Variants in WDR47 observed in about 807,000 individuals in gnomAD.
The protein encoded by WDR47 is WD repeat domain 47.
Under a neutral mutation model 97.2 loss-of-function variants are expected in WDR47, and 32 were observed. The ratio of observed to expected loss-of-function variants is 0.33; its 90% CI spans 0.25 to 0.44. The LOEUF (loss-of-function observed/expected upper bound fraction) is 0.44. Among genes scored for constraint, WDR47 ranks in the 20% least tolerant of loss-of-function variants. WDR47 has a pLI of 1.00. For missense variants in WDR47, 782 were observed against 1,102.3 expected, an observed-to-expected ratio of 0.71 and a Z score of 4.11; for synonymous variants, 375 against 373.5, an observed-to-expected ratio of 1.00 and a Z score of -0.05.
intron 3 of WDR47, 62 bp from the exon 4 acceptor site, chr1:109,013,987 T>C: frequency 8.0e-7 from 1 of 1,257,102 alleles, no homozygotes; most frequent in Non-Finnish European, 1.1e-6. Context: ...ACTTAGAAGT[T>C]ACTATGTAAG....
chr1:109,002,518 C>T, intron 6 of WDR47, 116 bp from the exon 7 acceptor site: 1 of 847,520 alleles, frequency 1.2e-6, no homozygotes, highest in Non-Finnish European at 1.7e-6. Context: ...TTAACAATCA[C>T]AAAATACTTA....
intron 4 of WDR47, among the ~76,000 whole-genome samples, chr1:109,013,235 A>C (rs533411051): frequency 1.2e-4 from 18 of 152,302 alleles, no homozygotes; most frequent in African/African-American, 3.8e-4. Context: ...AACTGTAAGA[A>C]ATAAACTTCT....
Position 108,982,709 on chromosome 1 carries a change from G to A in WDR47, c.2166C>T (p.Ser722=), listed in dbSNP as rs753325745. The change falls in exon 12 of 15, where the codon AGC becomes AGT. Residue 722 remains serine (S), a synonymous_variant. Transcript: ENST00000369962. ...CAGCACTTATTAAAATAGCTCCTCC[G>A]CTTTCTGGGCCTTCCATAAATGCCA... The part of the protein sequence containing the change: ...RDLAFMEGPE[S]GGAILISAGA... The A allele has an allele frequency of 2.4e-5, 38 of 1,613,560 alleles. No individual in the cohort carries two copies. The highest frequency in any genetic ancestry group is 2.3e-4 in the Admixed American group (14 of 59,914).
Position 109,004,626 on chromosome 1 carries a change from T to C in WDR47, c.1220A>G (p.Gln407Arg), listed in dbSNP as rs188128837. 6.8e-6 allele frequency: 11 copies of C among 1,613,826 alleles called. No individual in the cohort carries two copies. The highest frequency in any genetic ancestry group is 6.7e-5 in the Admixed American group (4 of 60,006). ...TTCTTGTTTAGCTGGTCCTGGATTC[T>C]GTGCTCCATTTGCAGGCTCTTTTTC... ...VSEKEPANGAQNPGPAKQEKN... is the reference protein window; with the variant it reads ...VSEKEPANGARNPGPAKQEKN... Residue 407 changes from glutamine (Q) to arginine (R), a missense_variant, in exon 6 of 15, where the codon CAG becomes CGG. Transcript: ENST00000369962.
intron 1 of WDR47, among the ~76,000 whole-genome samples, chr1:109,029,851 G>A (rs565801150): frequency 1.3e-5 from 2 of 149,924 alleles, no homozygotes; most frequent in South Asian, 2.1e-4. Context: ...ACTCCAGCCT[G>A]GGCAACAGAG....
intron 13 of WDR47, among the ~76,000 whole-genome samples, chr1:108,977,659 C>T (rs1012490781): frequency 7.2e-5 from 11 of 152,120 alleles, no homozygotes; most frequent in Non-Finnish European, 1.3e-4. Flanking sequence ...CGAGACCAGC[C>T]TGGCTAATAA....
At chr1:108,972,815 C>T (rs904082096) in intron 14 of WDR47, among the ~76,000 whole-genome samples, 2 of 151,896 alleles carry the variant, frequency 1.3e-5, no homozygotes, top group East Asian at 1.9e-4. Flanking sequence ...GGTGTGGTGG[C>T]GGGCGCCTGT....
intron 1 of WDR47, among the ~76,000 whole-genome samples, chr1:109,027,845 T>C (rs192919915): frequency 3.3e-5 from 5 of 152,214 alleles, no homozygotes; most frequent in Admixed American, 3.3e-4. Context: ...AAACATCTAT[T>C]TCCTGTAATC....
At chr1:108,993,561 T>C (rs1233904790) in intron 8 of WDR47, among the ~76,000 whole-genome samples, 1 of 152,130 alleles carries the variant, frequency 6.6e-6, no homozygotes, top group Non-Finnish European at 1.5e-5. Flanking sequence ...AACTGTGAGA[T>C]GCTAAAAACA....
intron 5 of WDR47, 153 bp from the exon 6 acceptor site, chr1:109,004,868 G>A (rs964098377): frequency 1.4e-5 from 13 of 962,356 alleles, no homozygotes; most frequent in African/African-American, 3.4e-5. Flanking sequence ...TCCGCTCACT[G>A]CAACCTCTAC....
At chr1:109,015,207 A>G (rs1222924244) in intron 3 of WDR47, among the ~76,000 whole-genome samples, 1 of 121,804 alleles carries the variant, frequency 8.2e-6, no homozygotes, top group African/African-American at 3.4e-5. Flanking sequence ...AAAAAATAAC[A>G]ACAGGTTCAA....
At chr1:109,012,793 A>G (rs1661142550) in intron 4 of WDR47, among the ~76,000 whole-genome samples, 1 of 152,164 alleles carries the variant, frequency 6.6e-6, no homozygotes, top group Non-Finnish European at 1.5e-5. Flanking sequence ...GTACACATTT[A>G]CCAAGGTAAT....
chr1:108,991,448 TTAC>T, intron 8 of WDR47, 119 bp from the exon 9 acceptor site: 1 of 744,816 alleles, frequency 1.3e-6, no homozygotes, highest in African/African-American at 1.7e-5. Context: ...GACTCCAAAG[TTAC>T]TCTCTGGAGA....
intron 8 of WDR47, among the ~76,000 whole-genome samples, chr1:108,993,859 C>A (rs552762914): frequency 6.6e-6 from 1 of 152,078 alleles, no homozygotes; most frequent in Non-Finnish European, 1.5e-5. Context: ...CACATGAACA[C>A]CAACTTGAGG....
intron 6 of WDR47, 99 bp downstream of exon 6, chr1:109,004,493 C>T (rs554255622): frequency 7.4e-7 from 1 of 1,359,894 alleles, no homozygotes; most frequent in Non-Finnish European, 9.8e-7. Flanking sequence ...TTATTTCCTA[C>T]TCCCAAATAT....
intron 1 of WDR47, among the ~76,000 whole-genome samples, chr1:109,028,088 A>G (rs1396983444): frequency 2.0e-5 from 3 of 152,230 alleles, no homozygotes; most frequent in African/African-American, 7.2e-5. Flanking sequence ...TATAATCATA[A>G]TATGTGTTCA....
At chr1:109,035,499 ATT>A (rs773014772) in intron 1 of WDR47, among the ~76,000 whole-genome samples, 6 of 143,906 alleles carry the variant, frequency 4.2e-5, no homozygotes, top group Non-Finnish European at 3.1e-5. Flanking sequence ...CAATTTTTAA[ATT>A]TTTTTTTTTT....
At chr1:109,028,366 T>TTTTTTG (rs1662366858) in intron 1 of WDR47, among the ~76,000 whole-genome samples, 1 of 130,422 alleles carries the variant, frequency 7.7e-6, no homozygotes, top group Admixed American at 8.0e-5. Context: ...TGTTGGGTTT[T>TTTTTTG]TTTTTTTTTT....
chr1:108,984,908 A>G (rs1658659875), intron 10 of WDR47, among the ~76,000 whole-genome samples: 1 of 152,082 alleles, frequency 6.6e-6, no homozygotes, highest in Non-Finnish European at 1.5e-5. Flanking sequence ...CAAAAAACTG[A>G]TCTAGAGAAC....
Sources: gnomAD v4.1 joint callset for allele counts (sites outside exome capture counted in the v4.1 genomes callset) on GRCh38, gnomAD v4.1.1 for gene constraint, MANE v1.5 for transcripts, NCBI Gene and HGNC (gene_info 2026-07-23, HGNC 2026-07-21) for gene names.